Variants in TASP1 observed in about 807,000 individuals in gnomAD.
The protein encoded by TASP1 is taspase 1.
A neutral mutation model predicts 56.6 loss-of-function variants in TASP1; 16 were observed. The ratio of observed to expected loss-of-function variants is 0.28; its 90% CI spans 0.19 to 0.43. The LOEUF (loss-of-function observed/expected upper bound fraction) is 0.43. TASP1 is among the 20% of genes least tolerant of loss of function. The pLI is 1.00. For missense variants in TASP1, 393 were observed against 511.6 expected (o/e 0.77, Z 2.24); for synonymous variants, 179 against 184.2 (o/e 0.97, Z 0.23).
chr20:13,583,622 T>A (rs534812881), intron 5 of TASP1, among the ~76,000 whole-genome samples: 1 of 152,250 alleles, frequency 6.6e-6, no homozygotes, highest in Non-Finnish European at 1.5e-5. Flanking sequence ...TTTCCTCATC[T>A]GTAAAGCATA....
chr20:13,373,457 T>TC, the TASP1 span, among the ~76,000 whole-genome samples: 113 of 7,934 alleles, frequency 0.014, no homozygotes, highest in African/African-American at 0.049. Flanking sequence ...ATTCTTTCAG[T>TC]TTTTTTTTTT....
At chr20:13,433,797 G>A (rs2042900703) in intron 12 of TASP1, among the ~76,000 whole-genome samples, 1 of 147,922 alleles carries the variant, frequency 6.8e-6, no homozygotes, top group Non-Finnish European at 1.5e-5. Flanking sequence ...TATAGGAAGG[G>A]TTAAACTACC....
chr20:13,426,026 C>T (rs1351752340), intron 12 of TASP1, among the ~76,000 whole-genome samples: 1 of 152,166 alleles, frequency 6.6e-6, no homozygotes, highest in Non-Finnish European at 1.5e-5. Flanking sequence ...TTCCCTCTTT[C>T]TAAGGCTTGT....
At chr20:13,182,019 T>G in the TASP1 span, among the ~76,000 whole-genome samples, 1 of 152,140 alleles carries the variant, frequency 6.6e-6, no homozygotes, top group East Asian at 1.9e-4. Flanking sequence ...TAATTCAAGC[T>G]CTTTCCAAAA....
chr20:13,342,190 C>T, the TASP1 span, among the ~76,000 whole-genome samples: 1 of 152,202 alleles, frequency 6.6e-6, no homozygotes, highest in African/African-American at 2.4e-5. Context: ...TGGAGCCACA[C>T]ATGTGGGCTG....
At chr20:13,285,462 C>T in the TASP1 span, among the ~76,000 whole-genome samples, 1 of 152,128 alleles carries the variant, frequency 6.6e-6, no homozygotes, top group Admixed American at 6.6e-5. Flanking sequence ...TGAGGGGTGC[C>T]CAGCTGTGTA....
At chr20:13,159,931 T>A in the TASP1 span, 1 of 1,446,780 alleles carries the variant, frequency 6.9e-7, no homozygotes, top group Non-Finnish European at 9.2e-7. Context: ...GCCATATTCC[T>A]TTTTTGTCAG....
At chr20:13,637,747 G>A (rs980276670) in intron 1 of TASP1, among the ~76,000 whole-genome samples, 24 of 152,330 alleles carry the variant, frequency 1.6e-4, no homozygotes, top group Non-Finnish European at 7.3e-5. Flanking sequence ...AGAATCTAAT[G>A]GGGAGTGACT....
At chr20:13,571,351 C>CA (rs994415401) in intron 6 of TASP1, among the ~76,000 whole-genome samples, 4 of 152,102 alleles carry the variant, frequency 2.6e-5, no homozygotes, top group East Asian at 1.9e-4. Flanking sequence ...ACTGACATGT[C>CA]AAAAAAATCA....
At chr20:13,378,018 T>A in the TASP1 span, among the ~76,000 whole-genome samples, 5 of 152,088 alleles carry the variant, frequency 3.3e-5, no homozygotes, top group African/African-American at 1.2e-4. Context: ...TTTTTTCAAA[T>A]AACCCGCTCC....
chr20:13,588,588 C>A (rs1042152617), intron 4 of TASP1, among the ~76,000 whole-genome samples: 19 of 151,926 alleles, frequency 1.3e-4, no homozygotes, highest in African/African-American at 4.3e-4. Flanking sequence ...AACAAAAAAA[C>A]AGAAATACAT....
chr20:13,199,441 A>G, the TASP1 span, among the ~76,000 whole-genome samples: 1 of 151,650 alleles, frequency 6.6e-6, no homozygotes, highest in Non-Finnish European at 1.5e-5. Flanking sequence ...CTGTGCTTCT[A>G]CTACCCAACA....
At chr20:13,427,013 G>A (rs1845426428) in intron 12 of TASP1, among the ~76,000 whole-genome samples, 1 of 152,140 alleles carries the variant, frequency 6.6e-6, no homozygotes, top group African/African-American at 2.4e-5. Flanking sequence ...AAGCTAATTT[G>A]TGTTCTCTTT....
At chr20:13,361,097 T>A in the TASP1 span, among the ~76,000 whole-genome samples, 1 of 151,956 alleles carries the variant, frequency 6.6e-6, no homozygotes, top group Admixed American at 6.6e-5. Flanking sequence ...CTACTACTCC[T>A]CAGGGATTAT....
At chr20:13,343,592 C>G in the TASP1 span, among the ~76,000 whole-genome samples, 1 of 149,114 alleles carries the variant, frequency 6.7e-6, no homozygotes, top group Non-Finnish European at 1.5e-5. Context: ...GCCCCCGCCC[C>G]CGCCCCCACT....
At chr20:13,543,814 T>G (rs1306457336) in intron 8 of TASP1, among the ~76,000 whole-genome samples, 1 of 152,200 alleles carries the variant, frequency 6.6e-6, no homozygotes, top group African/African-American at 2.4e-5. Context: ...AACTCAAACT[T>G]TGTTCCTTCT....
At chr20:13,468,959 C>T (rs968424930) in intron 11 of TASP1, among the ~76,000 whole-genome samples, 7 of 150,848 alleles carry the variant, frequency 4.6e-5, no homozygotes, top group Admixed American at 3.3e-4. Flanking sequence ...CAATAAAATA[C>T]CAATTGTGAA....
the TASP1 span, among the ~76,000 whole-genome samples, chr20:13,158,647 G>A: frequency 4.6e-3 from 706 of 152,288 alleles, 5 homozygotes; most frequent in Non-Finnish European, 8.1e-3. Context: ...CTGTTTTCAA[G>A]CTTTCTCAGC....
the TASP1 span, among the ~76,000 whole-genome samples, chr20:13,148,846 G>A: frequency 1.3e-5 from 2 of 152,218 alleles, no homozygotes; most frequent in African/African-American, 4.8e-5. Flanking sequence ...CACTGAGGCT[G>A]CAGAGAACTA....
Sources: gnomAD v4.1 joint callset for allele counts (sites outside exome capture counted in the v4.1 genomes callset) on GRCh38, gnomAD v4.1.1 for gene constraint, MANE v1.5 for transcripts, NCBI Gene and HGNC (gene_info 2026-07-23, HGNC 2026-07-21) for gene names.